CTNND1: variants seen among roughly 807,000 people sequenced by gnomAD.
The protein encoded by CTNND1 is catenin delta 1.
Under a neutral mutation model 112.1 loss-of-function variants are expected in CTNND1, and 16 were observed. The observed-to-expected ratio is 0.14, with a 90% CI of 0.10 to 0.22. CTNND1 has a LOEUF of 0.22. Ranked by LOEUF, CTNND1 falls within the 10% of genes least tolerant of loss-of-function variation. The probability of loss-of-function intolerance (pLI) is 1.00; values close to 1 mark genes in which losing one functional copy is unlikely to be tolerated. For synonymous variants in CTNND1, 420 were observed against 446.5 expected (o/e 0.94, Z 0.75); for missense variants, 1,008 against 1,257.0 (o/e 0.80, Z 3.00).
intron 14 of CTNND1, 113 bp downstream of exon 14, chr11:57,808,653 C>T (rs1436427342): frequency 7.7e-6 from 8 of 1,041,938 alleles, no homozygotes; most frequent in African/African-American, 3.2e-5. Context: ...AGGACCCTCC[C>T]CCGCTTCATA....
chr11:57,792,642 TGCCTCA>T (rs1245248615), intron 3 of CTNND1, among the ~76,000 whole-genome samples: 1 of 152,180 alleles, frequency 6.6e-6, no homozygotes, highest in African/African-American at 2.4e-5. Context: ...GCAATTCTCC[TGCCTCA>T]GCCTCCTGAG....
chr11:57,796,162 G>A (rs1021632710), intron 5 of CTNND1, among the ~76,000 whole-genome samples: 2 of 152,028 alleles, frequency 1.3e-5, no homozygotes, highest in African/African-American at 4.8e-5. Flanking sequence ...TGAGGTGGGC[G>A]GATCACGAGG....
intron 6 of CTNND1, among the ~76,000 whole-genome samples, 166 bp downstream of exon 6, chr11:57,797,158 T>C (rs1321802987): frequency 3.3e-5 from 5 of 150,356 alleles, no homozygotes; most frequent in African/African-American, 1.2e-4. Flanking sequence ...TTTTCTGACT[T>C]GGCTTAGTAT....
chr11:57,792,780 C>T (rs1398902493), intron 3 of CTNND1, among the ~76,000 whole-genome samples: 2 of 151,572 alleles, frequency 1.3e-5, no homozygotes, highest in Non-Finnish European at 2.9e-5. Flanking sequence ...CCACCTGCCT[C>T]GGCCTCCCAA....
Position 57,780,071 on chromosome 11 carries a change from T to TTTTTTTTG in CTNND1, c.-213-8966_-213-8965insTTTTTTTG, listed in dbSNP as rs58673483. ...ACTAGAATGACTTTTTTTTTTTTTT[T>TTTTTTTTG]GAGACAGGGTCTTACTCTGTCACTG... On this transcript the variant is annotated intron_variant, in intron 1 of 20. Transcript: ENST00000399050. 7.0e-5 allele frequency among the ~76,000 whole-genome samples: 9 copies of TTTTTTTTG among 129,186 alleles called. 1 individual carries two copies. The highest frequency in any genetic ancestry group is 2.4e-4 in the South Asian group (1 of 4,088). The allele number at this position is 129,186 out of a possible 152,430, so 84.8% of individuals were successfully genotyped here.
At chr11:57,777,382 C>A (rs1591269969) in intron 1 of CTNND1, among the ~76,000 whole-genome samples, 1 of 152,150 alleles carries the variant, frequency 6.6e-6, no homozygotes, top group South Asian at 2.1e-4. Context: ...GATTCCCCTG[C>A]CTTAGCCACC....
intron 1 of CTNND1, among the ~76,000 whole-genome samples, chr11:57,773,298 A>G (rs893363945): frequency 1.3e-5 from 2 of 151,586 alleles, no homozygotes; most frequent in African/African-American, 2.4e-5. Context: ...ACATCTGGCT[A>G]CTTTTTGTGT....
chr11:57,808,866 A>G (rs1463547193), intron 14 of CTNND1, among the ~76,000 whole-genome samples: 3 of 152,242 alleles, frequency 2.0e-5, no homozygotes, highest in Admixed American at 2.0e-4. Context: ...GGATAAGGAA[A>G]TAACTCATGG....
rs540778999 is a variant in CTNND1, at chr11:57,770,579, G to C, written c.-214+8460G>C. ...GAGGCAGAAGAATCCCTTGAACCCA[G>C]GAGGCAGAGGTTGCAATGAGCCGAA... is the stretch of plus-strand genomic sequence containing the variant. On this transcript the variant is annotated intron_variant, in intron 1 of 20. Transcript: ENST00000399050. Among the ~76,000 whole-genome samples, 47 of 151,842 alleles carry C rather than the reference G, an allele frequency of 3.1e-4. No individual in the cohort carries two copies. In the South Asian group the frequency reaches 9.4e-3, roughly 30 times the overall value.
chr11:57,811,419 C>T lies in CTNND1; in HGVS notation c.2571C>T (p.Ser857=), dbSNP rs1565377721. Residue 857 remains serine (S), a synonymous_variant, in exon 17 of 21, where the codon TCC becomes TCT. Transcript: ENST00000399050. ...TCTAGGTGAATCTAAACAATGCTTC[C>T]CGAAGCCAGAGCAGTCATTCATATG... ...SDFQVNLNNA[S]RSQSSHSYDD... The T allele has an allele frequency of 1.9e-6, 3 of 1,613,310 alleles. No homozygotes were observed. The highest frequency in any genetic ancestry group is 1.7e-5 in the Admixed American group (1 of 59,812).
Position 57,794,093 on chromosome 11 carries a change from G to A in CTNND1, c.267+12G>A. On this transcript the variant is annotated intron_variant, in intron 4 of 20. Transcript: ENST00000399050. ...TCAACGGACCCCAGGTAATTCTTTG[G>A]CTCAAGACCTGGGTTGCTTCATTCA... 3 of 1,612,844 alleles carry A rather than the reference G, an allele frequency of 1.9e-6. No individual in the cohort carries two copies. Among genetic ancestry groups the A allele is most frequent in the South Asian group, 1.1e-5 (1 of 91,076 alleles).
chr11:57,797,376 AAGCACCATC>A (rs1236003279), intron 6 of CTNND1, among the ~76,000 whole-genome samples: 1 of 148,346 alleles, frequency 6.7e-6, no homozygotes, highest in Non-Finnish European at 1.5e-5. Flanking sequence ...GACTACAGGC[AAGCACCATC>A]ACGCCTGGCT....
intron 12 of CTNND1, among the ~76,000 whole-genome samples, chr11:57,807,933 G>A (rs2062907866): frequency 6.6e-6 from 1 of 152,074 alleles, no homozygotes. Flanking sequence ...AAAGAGAGGA[G>A]TTGAGTATAA....
intron 10 of CTNND1, 67 bp from the exon 11 acceptor site, chr11:57,806,394 C>A: frequency 7.0e-7 from 1 of 1,419,984 alleles, no homozygotes; most frequent in Non-Finnish European, 9.8e-7. Flanking sequence ...CTGCTGACAT[C>A]TTTCTCCTGC....
At position 57,815,938 on chromosome 11, in the gene CTNND1, G is replaced by T. The variant is rs767626799; in HGVS notation, c.2832G>T (p.Leu944=). The T allele has an allele frequency of 6.2e-6, 10 of 1,607,002 alleles. No homozygotes were observed. In the East Asian group the frequency reaches 2.0e-4, roughly 32 times the overall value. ...PLMQDEGQES[L]EEELDVLVLD... is the part of the protein sequence containing the mutation. ...AGCAGGACGAGGGGCAGGAATCTCT[G>T]GAGGAAGAGTTGGATGTGTTGGTTT... The change falls in exon 20 of 21, where the codon CTG becomes CTT. Residue 944 remains leucine (L), a synonymous_variant. Coordinates refer to ENST00000399050, the MANE Select transcript of CTNND1 (RefSeq NM_001085458.2).
At chr11:57,772,986 C>A (rs17455520) in intron 1 of CTNND1, among the ~76,000 whole-genome samples, 37,997 of 152,114 alleles carry the variant, frequency 0.25, 5,559 homozygotes, top group Non-Finnish European at 0.33. Flanking sequence ...ATTAGGGATG[C>A]CCTCAACCAA....
chr11:57,775,507 C>T (rs1953991210), intron 1 of CTNND1, among the ~76,000 whole-genome samples: 1 of 152,042 alleles, frequency 6.6e-6, no homozygotes, highest in African/African-American at 2.4e-5. Context: ...GGGGTTATGC[C>T]AACACTTAGC....
chr11:57,811,978 A>G (rs1361256817), intron 17 of CTNND1, among the ~76,000 whole-genome samples: 1 of 152,214 alleles, frequency 6.6e-6, no homozygotes, highest in Non-Finnish European at 1.5e-5. Flanking sequence ...TTTTTCACAT[A>G]AAGTGTATAT....
chr11:57,810,358 T>A, intron 16 of CTNND1, 135 bp downstream of exon 16: 4 of 552,262 alleles, frequency 7.2e-6, no homozygotes, highest in Non-Finnish European at 1.2e-5. Context: ...AGACAGAGTC[T>A]CACTCTGTTG....
Sources: allele counts gnomAD v4.1 joint callset (sites outside exome capture counted in the v4.1 genomes callset), GRCh38; gene constraint gnomAD v4.1.1; transcripts MANE v1.5; gene names NCBI Gene and HGNC (gene_info 2026-07-23, HGNC 2026-07-21).